PDE12: variants seen among roughly 807,000 people sequenced by gnomAD.
PDE12 encodes the protein 2',5'-phosphodiesterase 12.
A neutral mutation model predicts 45.4 loss-of-function variants in PDE12; 26 were observed. The ratio of observed to expected loss-of-function variants is 0.57; its 90% CI spans 0.42 to 0.79. The LOEUF is 0.79. Among genes scored for constraint, PDE12 ranks in the 30% least tolerant of loss-of-function variants. The probability of loss-of-function intolerance (pLI) is 0.00; values close to 1 mark genes in which losing one functional copy is unlikely to be tolerated. For synonymous variants in PDE12, 283 were observed against 323.9 expected, an observed-to-expected ratio of 0.87 and a Z score of 1.36; for missense variants, 668 against 790.0, an observed-to-expected ratio of 0.85 and a Z score of 1.85.
the PDE12 span, among the ~76,000 whole-genome samples, chr3:57,612,551 T>C: frequency 1.1e-4 from 17 of 151,856 alleles, no homozygotes; most frequent in Admixed American, 9.9e-4. Flanking sequence ...GGCGGGCGGA[T>C]CACAAAGCCA....
At chr3:57,629,569 T>C in the PDE12 span, among the ~76,000 whole-genome samples, 1 of 145,204 alleles carries the variant, frequency 6.9e-6, no homozygotes, top group Non-Finnish European at 1.5e-5. Flanking sequence ...TGGAGCACAG[T>C]GGCGCGATCT....
the PDE12 span, among the ~76,000 whole-genome samples, chr3:57,636,302 A>G: frequency 6.6e-6 from 1 of 152,164 alleles, no homozygotes; most frequent in Admixed American, 6.5e-5. Context: ...ATTAGTCTAT[A>G]CTCCAAATGT....
At chr3:57,638,695 T>C in the PDE12 span, among the ~76,000 whole-genome samples, 3 of 151,592 alleles carry the variant, frequency 2.0e-5, no homozygotes, top group Admixed American at 2.0e-4. Flanking sequence ...ATAAATAAAA[T>C]GGCCAATAAA....
the PDE12 span, among the ~76,000 whole-genome samples, chr3:57,582,949 C>T: frequency 6.6e-6 from 1 of 152,142 alleles, no homozygotes; most frequent in African/African-American, 2.4e-5. Context: ...ATTTTGCCCC[C>T]AGGGGATATT....
At chr3:57,616,271 A>C in the PDE12 span, among the ~76,000 whole-genome samples, 25 of 152,116 alleles carry the variant, frequency 1.6e-4, no homozygotes, top group African/African-American at 5.6e-4. Flanking sequence ...CTGCAGTGAG[A>C]CATGATTGCA....
rs775035695 is a variant in PDE12, at chr3:57,557,501, T to G, written c.1122T>G (p.Phe374Leu). 1.2e-6 allele frequency: 2 copies of G among 1,614,054 alleles called. No individual in the cohort carries two copies. The highest frequency in any genetic ancestry group is 2.2e-5 in the South Asian group (2 of 91,078). ...ALEAFGLEGV[F>L]RIKQHEGLAT... ...AGGCCTTCGGGCTCGAGGGGGTGTT[T>G]CGAATCAAGCAGCACGAAGGCCTGG... The change falls in exon 1 of 3, where the codon TTT becomes TTG. Residue 374 changes from phenylalanine to leucine, a missense_variant. Transcript: ENST00000311180.
chr3:57,579,253 C>CAAAG, the PDE12 span, among the ~76,000 whole-genome samples: 3 of 47,600 alleles, frequency 6.3e-5, no homozygotes, highest in Non-Finnish European at 1.1e-4. Flanking sequence ...AACTACATCT[C>CAAAG]AAAAAAAAAA....
chr3:57,590,144 C>CA, the PDE12 span, among the ~76,000 whole-genome samples: 1 of 141,328 alleles, frequency 7.1e-6, no homozygotes, highest in Non-Finnish European at 1.6e-5. Context: ...AAACAAAAAA[C>CA]AAAAAAAGAA....
chr3:57,612,316 A>G, the PDE12 span, among the ~76,000 whole-genome samples: 2 of 151,962 alleles, frequency 1.3e-5, no homozygotes, highest in Admixed American at 6.6e-5. Context: ...GGTGCAGCAC[A>G]CCAACATGGC....
At chr3:57,652,056 A>AAAAAT in the PDE12 span, among the ~76,000 whole-genome samples, 120 of 152,246 alleles carry the variant, frequency 7.9e-4, 2 homozygotes, top group East Asian at 1.5e-3. Context: ...AATAAAAATA[A>AAAAAT]AAATAAATAA....
At chr3:57,628,135 TCTC>T in the PDE12 span, 1 of 1,541,168 alleles carries the variant, frequency 6.5e-7, no homozygotes, top group East Asian at 2.3e-5. Flanking sequence ...CACTGAGAGA[TCTC>T]CTTTGTGCGT....
chr3:57,642,616 G>A, the PDE12 span, among the ~76,000 whole-genome samples: 3 of 152,138 alleles, frequency 2.0e-5, no homozygotes, highest in Non-Finnish European at 4.4e-5. Context: ...AGCCATGTTA[G>A]TATGCTAAGA....
At chr3:57,613,917 A>AAAG in the PDE12 span, among the ~76,000 whole-genome samples, 544 of 150,604 alleles carry the variant, frequency 3.6e-3, 6 homozygotes, top group African/African-American at 0.012. Flanking sequence ...AAAAAAAAAA[A>AAAG]AAAAAAGAAA....
At chr3:57,591,256 T>A in the PDE12 span, among the ~76,000 whole-genome samples, 1 of 148,564 alleles carries the variant, frequency 6.7e-6, no homozygotes, top group African/African-American at 2.5e-5. Context: ...AAAAACTTGT[T>A]CATGAATGTT....
rs548965975 is a variant in PDE12 at position 57,557,676 on chromosome 3, T to A, written c.1297T>A (p.Ser433Thr). ...GCAGGAGAAGGTGCTCCAGAGATCT[T>A]CTGTTCTTCAGGTAAAGTAGTTCCG... Reference protein sequence around the residue: ...SAQEKVLQRSSVLQVSVLQST... With the variant: ...SAQEKVLQRSTVLQVSVLQST... Residue 433 changes from serine (S) to threonine (T), a missense_variant, in exon 1 of 3, where the codon TCT becomes ACT. Around this residue, in one of 3 missense-constraint regions of PDE12, gnomAD observed 580 missense variants for 662.9 expected, o/e 0.87. Coordinates refer to ENST00000311180, the MANE Select transcript of PDE12 (RefSeq NM_177966.7). The A allele has an allele frequency of 5.0e-6, 8 of 1,613,568 alleles. No homozygotes were observed. The African/African-American group carries it at 8.0e-5, about 16-fold the overall frequency.
the PDE12 span, chr3:57,597,052 T>A: frequency 1.2e-6 from 2 of 1,612,674 alleles, no homozygotes; most frequent in South Asian, 1.1e-5. Flanking sequence ...AGGTCCCGCC[T>A]GACTCGCAGC....
chr3:57,654,291 C>A, the PDE12 span, among the ~76,000 whole-genome samples: 1 of 152,038 alleles, frequency 6.6e-6, no homozygotes, highest in Non-Finnish European at 1.5e-5. Flanking sequence ...GTGGTTTCAA[C>A]CTTTTGAGAA....
chr3:57,613,448 C>T, the PDE12 span, among the ~76,000 whole-genome samples: 10 of 151,698 alleles, frequency 6.6e-5, no homozygotes, highest in African/African-American at 2.2e-4. Flanking sequence ...CGCCTGCCAC[C>T]GCACCTGGGT....
Position 57,559,378 on chromosome 3 carries a change from G to A in PDE12, c.1377G>A (p.Trp459Ter). The A allele has an allele frequency of 6.2e-7, 1 of 1,609,898 alleles. No individual in the cohort carries two copies. Among genetic ancestry groups the A allele is most frequent in the Non-Finnish European group, 8.5e-7 (1 of 1,176,238 alleles). ...RICVANTHLY[W>*]HPKGGYIRLI... ...GTGTTGCTAATACCCATCTTTACTG[G>A]CATCCTAAAGGTAGGTTTTATTTGG... The change falls in exon 2 of 3, where the codon TGG (tryptophan) becomes TGA (stop). Residue 459 changes from tryptophan (W) to a stop codon, truncating the protein, a stop_gained. Transcript: ENST00000311180. LOFTEE classifies it high-confidence loss of function.
Sources: allele counts gnomAD v4.1 joint callset (sites outside exome capture counted in the v4.1 genomes callset), GRCh38; gene constraint gnomAD v4.1.1; regional missense constraint gnomAD v4.1.1; transcripts MANE v1.5; gene names NCBI Gene and HGNC (gene_info 2026-07-23, HGNC 2026-07-21).